SLC37A1: variants seen among roughly 807,000 people sequenced by gnomAD.
SLC37A1 encodes glucose-6-phosphate exchanger SLC37A1.
Under a neutral mutation model 75.3 loss-of-function variants are expected in SLC37A1, and 49 were observed. The observed-to-expected ratio is 0.65, with a 90% CI of 0.52 to 0.83. SLC37A1 has a LOEUF of 0.83. SLC37A1 is among the 40% of genes least tolerant of loss of function. SLC37A1 has a pLI of 0.00. For synonymous variants in SLC37A1, 268 were observed against 292.1 expected (o/e 0.92, Z 0.84); for missense variants, 566 against 695.0 (o/e 0.81, Z 2.09).
chr21:42,556,387 C>G (rs988619943), intron 10 of SLC37A1, among the ~76,000 whole-genome samples: 2 of 152,214 alleles, frequency 1.3e-5, no homozygotes, highest in African/African-American at 4.8e-5. Context: ...GCACTTTGCA[C>G]GCCAAGTGGG....
intron 10 of SLC37A1, among the ~76,000 whole-genome samples, chr21:42,555,653 G>A (rs1225328109): frequency 1.3e-5 from 2 of 152,218 alleles, no homozygotes; most frequent in African/African-American, 4.8e-5. Flanking sequence ...ACTGAAGCCT[G>A]CCACTTCTTC....
At position 42,527,859 on chromosome 21, in the gene SLC37A1, T is replaced by C. The variant is rs542539111; in HGVS notation, c.138+2002T>C. ...CTGTGGGTTTCTTTACCTTTCAAGA[T>C]AGATCAGAACATCACACCACATCAA... On this transcript the variant is annotated intron_variant, in intron 3 of 19. Transcript: ENST00000352133. 5.9e-5 allele frequency among the ~76,000 whole-genome samples: 9 copies of C among 152,346 alleles called. 1 individual carries two copies. The South Asian group carries it at 1.9e-3, about 32-fold the overall frequency.
chr21:42,579,528 T>TCATCAGACAGCCCTGCCCA (rs144071872), intron 18 of SLC37A1, among the ~76,000 whole-genome samples: 23,151 of 139,542 alleles, frequency 0.17, 2,669 homozygotes, highest in African/African-American at 0.23. Context: ...AGCCCTGCCC[T>TCATCAGACAGCCCTGCCCA]CATCAGACAG....
At chr21:42,578,515 G>A (rs2056352353) in intron 18 of SLC37A1, among the ~76,000 whole-genome samples, 1 of 152,228 alleles carries the variant, frequency 6.6e-6, no homozygotes, top group Non-Finnish European at 1.5e-5. Flanking sequence ...GGATGTAGAT[G>A]TGGGTAAGGT....
Position 42,562,160 on chromosome 21 carries a change from C to T in SLC37A1, c.1064C>T (p.Thr355Met), listed in dbSNP as rs200911388. ...CTCTTCTGGCTGCCCCTGTACATCA[C>T]GAATGTGGGTGAGTATCCACGCTAG... The part of the protein sequence containing the change: ...TFLFWLPLYI[T>M]NVDHLDAKKA... Residue 355 changes from threonine (T) to methionine (M), a missense_variant, in exon 12 of 20, where the codon ACG becomes ATG. Physicochemically the swap from Thr to Met is moderately conservative, Grantham distance 81. Coordinates refer to ENST00000352133, the MANE Select transcript of SLC37A1 (RefSeq NM_001320537.2). The T allele has an allele frequency of 2.8e-5, 45 of 1,613,948 alleles. No individual in the cohort carries two copies. Among genetic ancestry groups the T allele is most frequent in the Non-Finnish European group, 3.4e-5 (40 of 1,179,964 alleles).
intron 18 of SLC37A1, among the ~76,000 whole-genome samples, chr21:42,576,966 G>A (rs1027859576): frequency 2.0e-5 from 3 of 152,182 alleles, no homozygotes; most frequent in Non-Finnish European, 4.4e-5. Flanking sequence ...TGATAGACTG[G>A]ATTTGAAGCA....
chr21:42,554,363 C>T (rs576071295), intron 10 of SLC37A1, among the ~76,000 whole-genome samples: 7 of 152,310 alleles, frequency 4.6e-5, no homozygotes, highest in South Asian at 2.1e-4. Flanking sequence ...TCAGCAGCTC[C>T]GCACCTTTCA....
At chr21:42,531,582 G>A (rs1315208903) in intron 3 of SLC37A1, among the ~76,000 whole-genome samples, 1 of 152,190 alleles carries the variant, frequency 6.6e-6, no homozygotes, top group African/African-American at 2.4e-5. Context: ...GTTTCCCAAA[G>A]GACTTGACCC....
chr21:42,535,617 G>C, intron 5 of SLC37A1, 67 bp downstream of exon 5: 2 of 1,424,628 alleles, frequency 1.4e-6, no homozygotes, highest in Non-Finnish European at 2.0e-6. Context: ...GAAGACATCC[G>C]CTATGCTGAA....
intron 17 of SLC37A1, among the ~76,000 whole-genome samples, chr21:42,570,167 G>C (rs1393755019): frequency 1.9e-4 from 20 of 106,864 alleles, no homozygotes; most frequent in African/African-American, 3.8e-4. Context: ...CGGCGGGCAG[G>C]GTGGCCATTG....
chr21:42,532,073 GC>G (rs1358500559), intron 3 of SLC37A1, among the ~76,000 whole-genome samples: 1 of 152,108 alleles, frequency 6.6e-6, no homozygotes, highest in Non-Finnish European at 1.5e-5. Context: ...ATAACTGATG[GC>G]CAGGGAGTGT....
rs1421790376 is a variant in SLC37A1 at position 42,518,440 on chromosome 21, T to G, written c.-15T>G. The G allele has an allele frequency of 2.5e-6, 4 of 1,614,110 alleles. No homozygotes were observed. Among genetic ancestry groups the G allele is most frequent in the Non-Finnish European group, 3.4e-6 (4 of 1,179,986 alleles). Reference sequence around the variant, plus strand: ...TTATTCTGCGACCGAGGCTCAGTGGTCAGTGGCGACGTAAATGGCTCGACT... The same window carrying G: ...TTATTCTGCGACCGAGGCTCAGTGGGCAGTGGCGACGTAAATGGCTCGACT... On this transcript the variant is annotated 5_prime_UTR_variant, in exon 2 of 20. Transcript: ENST00000352133.
Position 42,554,158 on chromosome 21 carries a change from C to T in SLC37A1, c.849+16C>T. ...CAAGCCTCTGGTAAGTCACACACAA[C>T]TTCCACTTCCTAGAATGTCGGAGCT... On this transcript the variant is annotated intron_variant, in intron 10 of 19. Transcript: ENST00000352133. The T allele has an allele frequency of 6.2e-7, 1 of 1,609,442 alleles. No homozygotes were observed. Among genetic ancestry groups the T allele is most frequent in the South Asian group, 1.1e-5 (1 of 90,420 alleles).
chr21:42,513,102 A>C (rs2054455661), upstream of SLC37A1, among the ~76,000 whole-genome samples: 1 of 152,162 alleles, frequency 6.6e-6, no homozygotes, highest in Admixed American at 6.5e-5. Context: ...GTGGGCTGGG[A>C]GCCCCCTCTG....
chr21:42,567,225 C>T (rs1331338727), intron 16 of SLC37A1, among the ~76,000 whole-genome samples, 167 bp downstream of exon 16: 2 of 152,264 alleles, frequency 1.3e-5, no homozygotes, highest in African/African-American at 4.8e-5. Flanking sequence ...CCCCGCTGCT[C>T]ACCCTTCTCC....
intron 5 of SLC37A1, among the ~76,000 whole-genome samples, chr21:42,535,893 T>C (rs1414488859): frequency 2.0e-5 from 3 of 152,254 alleles, no homozygotes; most frequent in Non-Finnish European, 2.9e-5. Context: ...ACTAGTTTCC[T>C]GTTCAGCAGA....
rs561071229 is a variant in SLC37A1 at position 42,556,705 on chromosome 21, T to A, written c.850-2253T>A. On this transcript the variant is annotated intron_variant, in intron 10 of 19. Coordinates refer to ENST00000352133, the MANE Select transcript of SLC37A1 (RefSeq NM_001320537.2). The stretch of plus-strand genomic sequence containing the variant: ...GAAACTGCTTGTTTAGAGGCAGAGG[T>A]GCCTCTTGGCCTCCAGCCTTGTCTT... Among the ~76,000 whole-genome samples, 7 of 152,280 alleles carry A rather than the reference T, an allele frequency of 4.6e-5. No individual in the cohort carries two copies. In the South Asian group the frequency reaches 8.3e-4, roughly 18 times the overall value.
chr21:42,517,288 A>C (rs1047001711), intron 1 of SLC37A1, among the ~76,000 whole-genome samples: 1 of 152,198 alleles, frequency 6.6e-6, no homozygotes, highest in African/African-American at 2.4e-5. Context: ...CTCGGCTTAC[A>C]CAGCCCAGGG....
chr21:42,518,101 CCTCA>C (rs2054556906), intron 1 of SLC37A1, among the ~76,000 whole-genome samples, 172 bp from the exon 2 acceptor site: 1 of 152,246 alleles, frequency 6.6e-6, no homozygotes, highest in Non-Finnish European at 1.5e-5. Flanking sequence ...AGATACTCCA[CCTCA>C]CTCCCCCTCT....
Sources: allele counts gnomAD v4.1 joint callset (sites outside exome capture counted in the v4.1 genomes callset), GRCh38; gene constraint gnomAD v4.1.1; transcripts MANE v1.5; gene names NCBI Gene and HGNC (gene_info 2026-07-23, HGNC 2026-07-21).